Variants in DENND1A observed in about 807,000 individuals in gnomAD.
The protein encoded by DENND1A is DENN domain-containing protein 1A.
DENND1A carries 51 observed loss-of-function variants against 113.7 expected under a neutral mutation model. That is an observed-to-expected ratio of 0.45 (90% confidence interval 0.36 to 0.57). DENND1A has a LOEUF of 0.57. Ranked by LOEUF, DENND1A falls within the 20% of genes least tolerant of loss-of-function variation. The probability of loss-of-function intolerance (pLI) is 0.00; values close to 1 mark genes in which losing one functional copy is unlikely to be tolerated. For missense variants in DENND1A, 1,258 were observed against 1,395.9 expected (o/e 0.90, Z 1.57); for synonymous variants, 565 against 570.8 (o/e 0.99, Z 0.14).
chr9:123,728,426 G>A (rs1357670342), intron 5 of DENND1A, among the ~76,000 whole-genome samples: 5 of 129,774 alleles, frequency 3.9e-5, no homozygotes, highest in South Asian at 2.5e-4. Flanking sequence ...ACAGTGAGCC[G>A]AGATCGTGCC....
At chr9:123,655,566 T>G (rs929507818) in intron 8 of DENND1A, among the ~76,000 whole-genome samples, 1 of 151,542 alleles carries the variant, frequency 6.6e-6, no homozygotes, top group East Asian at 1.9e-4. Flanking sequence ...GAGGGAGGGG[T>G]GACTTTTCAT....
chr9:123,640,912 ACT>A (rs2061995730), intron 9 of DENND1A, among the ~76,000 whole-genome samples: 1 of 151,720 alleles, frequency 6.6e-6, no homozygotes, highest in African/African-American at 2.4e-5. Context: ...GCAGTCTGAT[ACT>A]CTCTCCTCCA....
intron 19 of DENND1A, among the ~76,000 whole-genome samples, chr9:123,432,314 C>T (rs1401885623): frequency 6.6e-6 from 1 of 152,234 alleles, no homozygotes; most frequent in African/African-American, 2.4e-5. Flanking sequence ...AGCCTGGGCT[C>T]TGAAAAGGTG....
chr9:123,591,810 C>G (rs1333199125), intron 11 of DENND1A, among the ~76,000 whole-genome samples: 2 of 152,144 alleles, frequency 1.3e-5, no homozygotes, highest in Non-Finnish European at 2.9e-5. Flanking sequence ...GGAGTTTGCT[C>G]AAGGAAGTGC....
At chr9:123,874,993 T>A (rs2133483396) in intron 2 of DENND1A, among the ~76,000 whole-genome samples, 1 of 152,254 alleles carries the variant, frequency 6.6e-6, no homozygotes, top group East Asian at 1.9e-4. Flanking sequence ...ACTTCAAAGG[T>A]CAACAGTAGA....
intron 1 of DENND1A, among the ~76,000 whole-genome samples, chr9:123,925,238 G>A (rs893139896): frequency 4.6e-5 from 7 of 151,934 alleles, no homozygotes; most frequent in East Asian, 1.9e-4. Flanking sequence ...AATATGCCAC[G>A]TCCTCATATG....
In DENND1A at chr9:123,644,395, A is replaced by AC. The variant is rs1204207445; in HGVS notation, c.618+7617_618+7618insG. 4.0e-5 allele frequency among the ~76,000 whole-genome samples: 6 copies of AC among 148,788 alleles called. No individual in the cohort carries two copies. In the South Asian group the frequency reaches 6.6e-4, roughly 16 times the overall value. ...ACAAGCTACAAAAAAAAAAAAAAAA[A>AC]AAAAAAACCTCTAAGTACTATACAA... On this transcript the variant is annotated intron_variant, in intron 9 of 23. Coordinates refer to ENST00000394215, the MANE Select transcript of DENND1A (RefSeq NM_001352964.2).
rs943776720 is a variant in DENND1A at position 123,711,524 on chromosome 9, T to C, written c.303-34735A>G. Among the ~76,000 whole-genome samples the C allele has an allele frequency of 3.1e-4, 45 of 143,450 alleles. 2 individuals are homozygous for C. Among genetic ancestry groups the C allele is most frequent in the Admixed American group, 1.2e-3 (17 of 14,296 alleles). 94.1% of individuals were successfully genotyped at this position (143,450 alleles called of 152,430 possible). A position where few individuals can be genotyped will look rare whatever the true frequency, so the allele number is the denominator to read the frequency against. On this transcript the variant is annotated intron_variant, in intron 5 of 23. Coordinates refer to ENST00000394215, the MANE Select transcript of DENND1A (RefSeq NM_001352964.2). Reference sequence around the variant, plus strand: ...ATATATGTATATATGTATATATATATATATATATATATATAAATTCAACAA... The same window carrying C: ...ATATATGTATATATGTATATATATACATATATATATATATAAATTCAACAA...
Position 123,745,228 on chromosome 9 carries a change from C to T in DENND1A, c.302+12475G>A, listed in dbSNP as rs562170978. Among the ~76,000 whole-genome samples, 6 of 152,288 alleles carry T rather than the reference C, an allele frequency of 3.9e-5. No homozygotes were observed. In the South Asian group the frequency reaches 1.2e-3, roughly 32 times the overall value. ...CACTAGACCACACTCTTATGCCATGCCACCGTGTAACTCATTTTACCTTTC... is the reference window on the plus strand; with the variant it reads ...CACTAGACCACACTCTTATGCCATGTCACCGTGTAACTCATTTTACCTTTC... On this transcript the variant is annotated intron_variant, in intron 5 of 23. Coordinates refer to ENST00000394215, the MANE Select transcript of DENND1A (RefSeq NM_001352964.2).
At chr9:123,607,959 G>A (rs1204434737) in intron 11 of DENND1A, among the ~76,000 whole-genome samples, 4 of 152,038 alleles carry the variant, frequency 2.6e-5, no homozygotes, top group Non-Finnish European at 5.9e-5. Flanking sequence ...ACAGCAATTG[G>A]CACTAACGGT....
At chr9:123,404,356 T>C (rs892434707) in intron 20 of DENND1A, among the ~76,000 whole-genome samples, 2 of 152,226 alleles carry the variant, frequency 1.3e-5, no homozygotes, top group African/African-American at 2.4e-5. Flanking sequence ...AAATTTGGCA[T>C]GGCCATCTCT....
chr9:123,809,013 G>A (rs1415938026), intron 2 of DENND1A, among the ~76,000 whole-genome samples: 1 of 152,210 alleles, frequency 6.6e-6, no homozygotes, highest in Non-Finnish European at 1.5e-5. Context: ...TCCTGGGTAT[G>A]ATTTAGGTTC....
intron 6 of DENND1A, among the ~76,000 whole-genome samples, chr9:123,674,261 T>C (rs1040668089): frequency 2.0e-5 from 3 of 151,584 alleles, no homozygotes; most frequent in African/African-American, 7.3e-5. Flanking sequence ...CCCAAACAGA[T>C]ATCCCAGTTA....
At chr9:123,686,690 C>T (rs547519118) in intron 5 of DENND1A, among the ~76,000 whole-genome samples, 1 of 152,170 alleles carries the variant, frequency 6.6e-6, no homozygotes, top group Non-Finnish European at 1.5e-5. Flanking sequence ...TCCAGTGTTT[C>T]GTGTCAAGAC....
chr9:123,740,735 G>GGATTT (rs2068939537), intron 5 of DENND1A, among the ~76,000 whole-genome samples: 2 of 152,112 alleles, frequency 1.3e-5, no homozygotes, highest in African/African-American at 4.8e-5. Flanking sequence ...AGATGAGACA[G>GGATTT]GTTATATGAT....
At chr9:123,887,676 C>A (rs1310062149) in intron 1 of DENND1A, among the ~76,000 whole-genome samples, 1 of 151,456 alleles carries the variant, frequency 6.6e-6, no homozygotes, top group Admixed American at 6.6e-5. Flanking sequence ...AGTCAGAGTC[C>A]AAGCAGGGCA....
chr9:123,565,237 C>T (rs59999269), intron 12 of DENND1A, among the ~76,000 whole-genome samples: 3 of 152,098 alleles, frequency 2.0e-5, no homozygotes, highest in Non-Finnish European at 4.4e-5. Flanking sequence ...AGTGATCCAC[C>T]CCCATTGGCC....
chr9:123,553,401 C>G (rs1489856197), intron 13 of DENND1A, among the ~76,000 whole-genome samples: 2 of 55,100 alleles, frequency 3.6e-5, no homozygotes, highest in South Asian at 5.3e-4. Context: ...TTAAAAGCCG[C>G]CCCCCCCCCG....
chr9:123,850,158 A>G (rs1338447094), intron 2 of DENND1A, among the ~76,000 whole-genome samples: 1 of 152,218 alleles, frequency 6.6e-6, no homozygotes, highest in Non-Finnish European at 1.5e-5. Flanking sequence ...GACTGGGGGT[A>G]AAATGCTATT....
Sources: allele counts gnomAD v4.1 joint callset (sites outside exome capture counted in the v4.1 genomes callset), GRCh38; gene constraint gnomAD v4.1.1; transcripts MANE v1.5; gene names NCBI Gene and HGNC (gene_info 2026-07-23, HGNC 2026-07-21).